RETREG1: variants seen among roughly 807,000 people sequenced by gnomAD.
RETREG1 encodes the protein reticulophagy regulator 1.
Under a neutral mutation model 54.8 loss-of-function variants are expected in RETREG1, and 44 were observed. That is an observed-to-expected ratio of 0.80 (90% CI 0.63 to 1.03). The LOEUF is 1.03. Among genes scored for constraint, RETREG1 ranks in the 50% least tolerant of loss-of-function variants. RETREG1 has a pLI of 0.00. For synonymous variants in RETREG1, 217 were observed against 238.5 expected, an observed-to-expected ratio of 0.91 and a Z score of 0.83; for missense variants, 554 against 605.1, an observed-to-expected ratio of 0.92 and a Z score of 0.89.
At chr5:16,497,738 T>A (rs962371556) in intron 3 of RETREG1, among the ~76,000 whole-genome samples, 1 of 152,100 alleles carries the variant, frequency 6.6e-6, no homozygotes, top group Non-Finnish European at 1.5e-5. Flanking sequence ...CAGACCACAC[T>A]AATGTGTCAC....
intron 3 of RETREG1, among the ~76,000 whole-genome samples, chr5:16,506,393 C>T (rs896120987): frequency 1.3e-5 from 2 of 152,158 alleles, no homozygotes; most frequent in Admixed American, 6.5e-5. Flanking sequence ...TCAGACAAGG[C>T]ACCCAAAGAC....
At chr5:16,532,112 G>A (rs552546236) in intron 3 of RETREG1, among the ~76,000 whole-genome samples, 28 of 152,364 alleles carry the variant, frequency 1.8e-4, no homozygotes, top group African/African-American at 6.3e-4. Flanking sequence ...ATCCAGTGGA[G>A]ACCCAATGAC....
intron 1 of RETREG1, among the ~76,000 whole-genome samples, chr5:16,615,488 G>A (rs184015631): frequency 1.3e-5 from 2 of 151,208 alleles, no homozygotes; most frequent in African/African-American, 2.4e-5. Flanking sequence ...ACAGCCCTAA[G>A]ACTATTAGAC....
At chr5:16,603,747 T>A (rs1743109968) in intron 1 of RETREG1, among the ~76,000 whole-genome samples, 1 of 145,700 alleles carries the variant, frequency 6.9e-6, no homozygotes, top group Admixed American at 6.9e-5. Context: ...TGGGATCGCA[T>A]CCCACATCAC....
intron 3 of RETREG1, among the ~76,000 whole-genome samples, chr5:16,488,195 G>T (rs1283931003): frequency 1.3e-5 from 2 of 152,222 alleles, no homozygotes; most frequent in East Asian, 3.8e-4. Flanking sequence ...TTCTGCTTCT[G>T]GGCAAGACGG....
rs761585250 is a variant in RETREG1 at position 16,474,809 on chromosome 5, G to C, written c.1426C>G (p.Gln476Glu). The C allele has an allele frequency of 3.1e-6, 5 of 1,613,388 alleles. No individual in the cohort carries two copies. The highest frequency in any genetic ancestry group is 1.6e-4 in the Middle Eastern group (1 of 6,076). ...TTATTTTGCTGTGCTTCTGCTTCCT[G>C]GTCTTGTGTAAGTCCCAATTCACTC... ...IESELGLTQD[Q>E]EAEAQQNKKS... is the part of the protein sequence containing the mutation. The change falls in exon 9 of 9, where the codon CAG becomes GAG. Residue 476 changes from glutamine to glutamate, a missense_variant. This residue lies in a region of RETREG1 where 30 missense variants were observed against 32.4 expected (regional missense o/e 0.93). Transcript: ENST00000306320.
intron 3 of RETREG1, among the ~76,000 whole-genome samples, chr5:16,536,433 A>G (rs1007829924): frequency 1.3e-4 from 20 of 152,164 alleles, no homozygotes; most frequent in African/African-American, 4.6e-4. Context: ...AGCAGCAAGG[A>G]GAGTGACAGG....
intron 1 of RETREG1, among the ~76,000 whole-genome samples, chr5:16,591,099 A>G (rs552116543): frequency 6.6e-6 from 1 of 152,340 alleles, no homozygotes; most frequent in South Asian, 2.1e-4. Flanking sequence ...CAAAGGGAAA[A>G]TAAACCGAGG....
Position 16,561,775 on chromosome 5 carries a change from T to C in RETREG1, c.458+3988A>G, listed in dbSNP as rs1352201960. Among the ~76,000 whole-genome samples the C allele has an allele frequency of 1.3e-5, 2 of 152,312 alleles. No individual in the cohort carries two copies. Among genetic ancestry groups the C allele is most frequent in the Non-Finnish European group, 2.9e-5 (2 of 68,026 alleles). On this transcript the variant is annotated intron_variant, in intron 3 of 8. Coordinates refer to ENST00000306320, the MANE Select transcript of RETREG1 (RefSeq NM_001034850.3). This position sits in a 1 kb window ranked among gnomAD's most constrained non-coding sequence, Gnocchi z 4.2. The stretch of plus-strand genomic sequence containing the variant: ...GTATTAAGAGACAGCACAGCAGAAA[T>C]TCTCACATGCAAATTTTAGATGCAT...
intron 3 of RETREG1, among the ~76,000 whole-genome samples, chr5:16,518,634 C>T (rs1215657797): frequency 6.6e-6 from 1 of 151,976 alleles, no homozygotes; most frequent in Non-Finnish European, 1.5e-5. Context: ...GTTCCCTGTC[C>T]CTACAGGAAA....
chr5:16,553,137 T>G (rs1179369017), intron 3 of RETREG1, among the ~76,000 whole-genome samples: 1 of 152,234 alleles, frequency 6.6e-6, no homozygotes, highest in Non-Finnish European at 1.5e-5. Flanking sequence ...AATGACCATT[T>G]GTACTGCCAT....
intron 3 of RETREG1, among the ~76,000 whole-genome samples, chr5:16,552,833 T>C (rs1741581936): frequency 6.6e-6 from 1 of 152,234 alleles, no homozygotes; most frequent in Non-Finnish European, 1.5e-5. Flanking sequence ...GTGTAGGTAC[T>C]AATCACACTT....
intron 3 of RETREG1, among the ~76,000 whole-genome samples, chr5:16,516,713 C>G (rs1272666736): frequency 6.6e-6 from 1 of 152,012 alleles, no homozygotes; most frequent in African/African-American, 2.4e-5. Flanking sequence ...TTAAACTACA[C>G]AGTAGACAAT....
chr5:16,596,265 G>A (rs1242118550), intron 1 of RETREG1, among the ~76,000 whole-genome samples: 4 of 152,184 alleles, frequency 2.6e-5, no homozygotes, highest in South Asian at 2.1e-4. Context: ...TCCATGATGC[G>A]TTTGAAATAC....
intron 1 of RETREG1, among the ~76,000 whole-genome samples, chr5:16,612,647 C>T: frequency 6.6e-6 from 1 of 152,218 alleles, no homozygotes; most frequent in East Asian, 1.9e-4. Flanking sequence ...ACCCAATCTA[C>T]TTCAGTTGTG....
intron 3 of RETREG1, among the ~76,000 whole-genome samples, chr5:16,563,933 A>G (rs963911952): frequency 7.9e-5 from 12 of 152,200 alleles, no homozygotes; most frequent in African/African-American, 1.4e-4. Flanking sequence ...ATGTCATCAT[A>G]TCCATTGACA....
chr5:16,570,551 A>G (rs1056218441), intron 2 of RETREG1, among the ~76,000 whole-genome samples: 6 of 152,106 alleles, frequency 3.9e-5, no homozygotes, highest in Non-Finnish European at 8.8e-5. Flanking sequence ...ATGGTTGCAG[A>G]TAAAATGTAT....
At chr5:16,518,003 G>A (rs2126576621) in intron 3 of RETREG1, among the ~76,000 whole-genome samples, 1 of 151,324 alleles carries the variant, frequency 6.6e-6, no homozygotes, top group Non-Finnish European at 1.5e-5. Flanking sequence ...GTAAAAGAGA[G>A]AGAGAAAGAA....
rs12522198 is a variant in RETREG1, at chr5:16,526,827, G to A, written c.458+38936C>T. Among the ~76,000 whole-genome samples the A allele has an allele frequency of 8.7e-3, 1,324 of 152,290 alleles. 9 individuals carry two copies. Among genetic ancestry groups the A allele is most frequent in the Non-Finnish European group, 0.013 (859 of 68,034 alleles). ...ATGCACACCGCCAGGTCCCCCTTACGGAATGAAGGGCTTACTCCTCCAGCT... is the reference window on the plus strand; with the variant it reads ...ATGCACACCGCCAGGTCCCCCTTACAGAATGAAGGGCTTACTCCTCCAGCT... On this transcript the variant is annotated intron_variant, in intron 3 of 8. Coordinates refer to ENST00000306320, the MANE Select transcript of RETREG1 (RefSeq NM_001034850.3).
Sources: gnomAD v4.1 joint callset for allele counts (sites outside exome capture counted in the v4.1 genomes callset) on GRCh38, gnomAD v4.1.1 for gene constraint, gnomAD v4.1.1 regional missense constraint, Gnocchi (gnomAD v3.1) non-coding constraint, MANE v1.5 for transcripts, NCBI Gene and HGNC (gene_info 2026-07-23, HGNC 2026-07-21) for gene names.